NMI: variants seen among roughly 807,000 people sequenced by gnomAD.
NMI encodes the protein N-myc and STAT interactor, also known as N-myc-interactor.
Under a neutral mutation model 34.3 loss-of-function variants are expected in NMI, and 39 were observed. The ratio of observed to expected loss-of-function variants is 1.14; its 90% CI spans 0.88 to 1.49. NMI has a LOEUF of 1.49. Ranked by LOEUF, NMI falls within the 40% of genes most tolerant of loss-of-function variation. NMI has a pLI of 0.00. For missense variants in NMI, 339 were observed against 358.1 expected, an observed-to-expected ratio of 0.95 and a Z score of 0.43; for synonymous variants, 113 against 120.3, an observed-to-expected ratio of 0.94 and a Z score of 0.40.
intron 1 of NMI, among the ~76,000 whole-genome samples, chr2:151,285,339 G>A (rs1683474359): frequency 1.3e-5 from 2 of 151,316 alleles, no homozygotes; most frequent in South Asian, 4.2e-4. Context: ...TGCAGCTGTG[G>A]TTTCTGATTG....
intron 6 of NMI, among the ~76,000 whole-genome samples, chr2:151,274,202 G>A (rs2105202879): frequency 6.6e-6 from 1 of 151,516 alleles, no homozygotes; most frequent in East Asian, 2.0e-4. Flanking sequence ...AATTAGTCAG[G>A]CATGGTGGCA....
At chr2:151,276,843 T>C (rs1683300217) in intron 4 of NMI, among the ~76,000 whole-genome samples, 1 of 152,208 alleles carries the variant, frequency 6.6e-6, no homozygotes, top group Admixed American at 6.6e-5. Context: ...AAATCATTCT[T>C]TAAAAAGTTG....
At position 151,270,893 on chromosome 2, in the gene NMI, A is replaced by G. The variant is rs1683173529; in HGVS notation, c.742-18T>C. On this transcript the variant is annotated intron_variant, in intron 7 of 7. Coordinates refer to ENST00000243346, the MANE Select transcript of NMI (RefSeq NM_004688.3). ...GAAAATATCTAAGAAGGAAAAAATG[A>G]TAAATAGAAAGATTTCTAAGAGCTT... The G allele has an allele frequency of 6.3e-7, 1 of 1,577,220 alleles. No homozygotes were observed. The highest frequency in any genetic ancestry group is 1.7e-5 in the Admixed American group (1 of 57,480).
intron 6 of NMI, among the ~76,000 whole-genome samples, chr2:151,274,749 T>C (rs1683258787): frequency 1.3e-5 from 2 of 152,052 alleles, no homozygotes. Flanking sequence ...GTGCTGGGAT[T>C]ACAGGCATGA....
At chr2:151,282,522 C>T (rs1683424682) in intron 2 of NMI, among the ~76,000 whole-genome samples, 1 of 152,126 alleles carries the variant, frequency 6.6e-6, no homozygotes, top group Non-Finnish European at 1.5e-5. Context: ...CTTAATGAGC[C>T]AGACATATGA....
At chr2:151,282,167 AAT>A in intron 2 of NMI, 124 bp from the exon 3 acceptor site, 1 of 588,920 alleles carries the variant, frequency 1.7e-6, no homozygotes. Context: ...TCTCAGAATA[AAT>A]ATGACTATGT....
intron 1 of NMI, among the ~76,000 whole-genome samples, chr2:151,285,589 G>GAAA (rs199606248): frequency 2.0e-5 from 2 of 102,044 alleles, no homozygotes; most frequent in Non-Finnish European, 4.3e-5. Flanking sequence ...CTCCATCTCA[G>GAAA]AAAAAAAAAA....
chr2:151,278,858 G>A lies in NMI; in HGVS notation c.310C>T (p.Gln104Ter), dbSNP rs1041465402. The change falls in exon 4 of 8, where the codon CAA becomes TAA. Residue 104 changes from glutamine to a stop codon, truncating the protein, a stop_gained. Coordinates refer to ENST00000243346, the MANE Select transcript of NMI (RefSeq NM_004688.3). LOFTEE classifies it high-confidence loss of function. ...SKVPYEIQKG[Q>*]ALITFEKEEV... ...TCTTTTTCAAAGGTGATAAGTGCTT[G>A]TCCTTTTTGTATCTCATAAGGAACT... 6.2e-7 allele frequency: 1 copy of A among 1,613,414 alleles called. No individual in the cohort carries two copies.
intron 3 of NMI, among the ~76,000 whole-genome samples, chr2:151,280,067 C>T (rs900510546): frequency 4.6e-5 from 7 of 151,928 alleles, no homozygotes; most frequent in African/African-American, 1.5e-4. Context: ...TGGTGGCAAA[C>T]GCCTGTAATC....
intron 4 of NMI, among the ~76,000 whole-genome samples, chr2:151,276,755 T>C (rs1442066166): frequency 6.6e-6 from 1 of 152,208 alleles, no homozygotes; most frequent in African/African-American, 2.4e-5. Context: ...AAAGACTACA[T>C]AGGCTGGAAC....
At chr2:151,280,042 A>G (rs1332393325) in intron 3 of NMI, among the ~76,000 whole-genome samples, 3 of 152,030 alleles carry the variant, frequency 2.0e-5, no homozygotes. Context: ...TAAAAATACA[A>G]AAATTAGCTG....
rs147627237 is a variant in NMI, at chr2:151,275,776, A to G, written c.429T>C (p.Asn143=). 5 of 1,613,534 alleles carry G rather than the reference A, an allele frequency of 3.1e-6. No homozygotes were observed. In the African/African-American group the frequency reaches 6.7e-5, roughly 22 times the overall value. Residue 143 remains asparagine (N), a synonymous_variant, in exon 5 of 8, where the codon AAT becomes AAC. Transcript: ENST00000243346. Reference sequence around the variant, plus strand: ...CTGTTACCTGGAATCTGACTCCTGAATTTAATGGAACTGGCTTGGCCGTAA... The same window carrying G: ...CTGTTACCTGGAATCTGACTCCTGAGTTTAATGGAACTGGCTTGGCCGTAA... ...LEVTAKPVPL[N]SGVRFQVYVE...
At chr2:151,283,784 A>G (rs1255958976) in intron 1 of NMI, among the ~76,000 whole-genome samples, 1 of 152,158 alleles carries the variant, frequency 6.6e-6, no homozygotes, top group African/African-American at 2.4e-5. Context: ...TTATATGTTT[A>G]TTTCTAATAA....
At chr2:151,271,477 T>G (rs1226449643) in intron 7 of NMI, 149 bp downstream of exon 7, 11 of 639,298 alleles carry the variant, frequency 1.7e-5, no homozygotes, top group Non-Finnish European at 2.8e-5. Context: ...GACAAACTCA[T>G]TTTGCACCAA....
At position 151,270,717 on chromosome 2, in the gene NMI, AG is replaced by A. The variant is rs1304477771; in HGVS notation, c.899del (p.Pro300LeufsTer3). 6.2e-6 allele frequency: 10 copies of A among 1,613,876 alleles called. No individual in the cohort carries two copies. The highest frequency in any genetic ancestry group is 8.5e-6 in the Non-Finnish European group (10 of 1,179,848). On this transcript the variant is annotated frameshift_variant, in exon 8 of 8. Transcript: ENST00000243346. LOFTEE classifies it high-confidence loss of function. ...TCTATTCTTCAAAGTATGCTATGTG[AG>A]GTTGACCTAGAGAACACTTGACCAC... The part of the protein sequence containing the change: ...VDVVKCSLGQ[P>X]HIAYFEE
rs774094505 is a variant in NMI, at chr2:151,270,810, T to C, written c.807A>G (p.Glu269=). ...LTGMEGIQMD[E]EIVEDLINIH... ...TGTTAATTAAATCCTCCACAATTTCTTCATCCATTTGAATGCCTTCCATTC... is the reference window on the plus strand; with the variant it reads ...TGTTAATTAAATCCTCCACAATTTCCTCATCCATTTGAATGCCTTCCATTC... Residue 269 remains glutamate (E), a synonymous_variant, in exon 8 of 8, where the codon GAA becomes GAG. Transcript: ENST00000243346. The C allele has an allele frequency of 1.2e-6, 2 of 1,613,942 alleles. No individual in the cohort carries two copies. The highest frequency in any genetic ancestry group is 2.2e-5 in the South Asian group (2 of 91,070).
At chr2:151,271,869 C>T (rs1683194283) in intron 6 of NMI, 137 bp from the exon 7 acceptor site, 1 of 571,524 alleles carries the variant, frequency 1.7e-6, no homozygotes, top group African/African-American at 1.9e-5. Context: ...ATTCTAAAGC[C>T]CACTTTGAAG....
rs1457977284 is a variant in NMI, at chr2:151,270,665, A to C, written c.*28T>G. The C allele has an allele frequency of 1.9e-6, 3 of 1,548,380 alleles. No individual in the cohort carries two copies. On this transcript the variant is annotated 3_prime_UTR_variant, in exon 8 of 8. Transcript: ENST00000243346. ...ACATTTACAGTAATCCGGGTTAAAA[A>C]GCTATAGTTTTCATGATTCTGTTAA...
intron 1 of NMI, among the ~76,000 whole-genome samples, chr2:151,286,087 A>C (rs1683490906): frequency 6.6e-6 from 1 of 152,244 alleles, no homozygotes; most frequent in South Asian, 2.1e-4. Flanking sequence ...TATTAATTTC[A>C]AAGAAGAAAA....
Sources: allele counts gnomAD v4.1 joint callset (sites outside exome capture counted in the v4.1 genomes callset), GRCh38; gene constraint gnomAD v4.1.1; transcripts MANE v1.5; gene names NCBI Gene and HGNC (gene_info 2026-07-23, HGNC 2026-07-21).